Variants in PTCD1 observed in about 807,000 individuals in gnomAD.
PTCD1 encodes pentatricopeptide repeat-containing protein 1, mitochondrial.
A neutral mutation model predicts 53.4 loss-of-function variants in PTCD1; 50 were observed. The observed-to-expected ratio is 0.94, with a 90% confidence interval of 0.75 to 1.19. The LOEUF (loss-of-function observed/expected upper bound fraction) is 1.19, where lower values mean the gene tolerates loss of function less well. Ranked by LOEUF, PTCD1 falls within the 50% of genes most tolerant of loss-of-function variation. The pLI is 0.00. For missense variants in PTCD1, 918 were observed against 904.8 expected, an observed-to-expected ratio of 1.01 and a Z score of -0.19; for synonymous variants, 413 against 394.8, an observed-to-expected ratio of 1.05 and a Z score of -0.55.
Position 99,424,257 on chromosome 7 carries a change from C to T in PTCD1, c.1738-300G>A, listed in dbSNP as rs1329178305. On this transcript the variant is annotated intron_variant, in intron 6 of 7. Coordinates refer to ENST00000292478, the MANE Select transcript of PTCD1 (RefSeq NM_015545.4). ...GCTCCCTGGGGTGGGCTTCCTGTGA[C>T]GCACGGTCACCAGGTGGTGGTTGGC... Among the ~76,000 whole-genome samples the T allele has an allele frequency of 2.6e-5, 4 of 152,190 alleles. No homozygotes were observed. In the East Asian group the frequency reaches 7.7e-4, roughly 29 times the overall value.
chr7:99,432,775 G>A (rs1302287798), intron 3 of PTCD1: 1 of 203,284 alleles, frequency 4.9e-6, no homozygotes, highest in African/African-American at 2.3e-5. Context: ...CTTCAGAGGA[G>A]CAGATGCGGT....
intron 7 of PTCD1, among the ~76,000 whole-genome samples, chr7:99,421,692 T>G (rs577543345): frequency 6.7e-6 from 1 of 149,246 alleles, no homozygotes; most frequent in Admixed American, 6.6e-5. Context: ...GCGGCAGAGG[T>G]TGCAGTGAGG....
In PTCD1 at chr7:99,419,698, C is replaced by G. The variant is rs748286909; in HGVS notation, c.*269G>C. 272 of 695,094 alleles carry G rather than the reference C, an allele frequency of 3.9e-4. No homozygotes were observed. The highest frequency in any genetic ancestry group is 5.7e-4 in the South Asian group (30 of 52,542). 43.1% of individuals were successfully genotyped at this position (695,094 alleles called of 1,614,324 possible). ...GCCCCAGGGACCAGATGCCCCAGCC[C>G]CCTTGTGGTGTGTGAGGTGACACAC... On this transcript the variant is annotated 3_prime_UTR_variant, in exon 8 of 8. Coordinates refer to ENST00000292478, the MANE Select transcript of PTCD1 (RefSeq NM_015545.4).
rs1313863129 is a variant in PTCD1 at position 99,419,841 on chromosome 7, G to A, written c.*126C>T. On this transcript the variant is annotated 3_prime_UTR_variant, in exon 8 of 8. Transcript: ENST00000292478. ...CTAGTGTGTGTCCTCACCAACACCT[G>A]TGACACGCTGCGGCTGTTCCTCAGG... 5 of 1,520,724 alleles carry A rather than the reference G, an allele frequency of 3.3e-6. No individual in the cohort carries two copies. Among genetic ancestry groups the A allele is most frequent in the African/African-American group, 1.4e-5 (1 of 73,194 alleles). The allele number at this position is 1,520,724 out of a possible 1,614,324, so 94.2% of individuals were successfully genotyped here.
chr7:99,428,599 G>A (rs900905053), intron 5 of PTCD1, among the ~76,000 whole-genome samples: 8 of 152,036 alleles, frequency 5.3e-5, no homozygotes, highest in Admixed American at 2.0e-4. Context: ...AAATTAGCTG[G>A]GCGTGGTGGC....
chr7:99,424,020 C>T, intron 6 of PTCD1, 63 bp from the exon 7 acceptor site: 1 of 1,582,954 alleles, frequency 6.3e-7, no homozygotes, highest in East Asian at 2.3e-5. Flanking sequence ...GCAGCTCCCA[C>T]CCTCTGTCAA....
chr7:99,430,293 T>C (rs1796206897), intron 3 of PTCD1, among the ~76,000 whole-genome samples: 2 of 152,196 alleles, frequency 1.3e-5, no homozygotes, highest in African/African-American at 2.4e-5. Flanking sequence ...ACAATGCACA[T>C]TCTCAGGGCC....
chr7:99,420,823 T>G (rs1795775586), intron 7 of PTCD1, among the ~76,000 whole-genome samples: 2 of 152,124 alleles, frequency 1.3e-5, no homozygotes, highest in African/African-American at 4.8e-5. Context: ...GGTGCATGCC[T>G]GTAGCCCCAG....
rs144567987 is a variant in PTCD1 at position 99,433,478 on chromosome 7, A to C, written c.454-60T>G. 36 of 1,612,822 alleles carry C rather than the reference A, an allele frequency of 2.2e-5. No individual in the cohort carries two copies. The African/African-American group carries it at 4.1e-4, about 19-fold the overall frequency. On this transcript the variant is annotated intron_variant, in intron 2 of 7. Transcript: ENST00000292478. Reference sequence around the variant, plus strand: ...ATGGCCCCAGAGACCCTCAGCAGAGAGAGGGAGGTTGAAGCTGAGGGACCC... The same window carrying C: ...ATGGCCCCAGAGACCCTCAGCAGAGCGAGGGAGGTTGAAGCTGAGGGACCC...
chr7:99,435,494 C>G (rs2150961860), intron 1 of PTCD1, among the ~76,000 whole-genome samples: 1 of 152,114 alleles, frequency 6.6e-6, no homozygotes, highest in East Asian at 1.9e-4. Context: ...CAAAAATTAG[C>G]CAGGCTTGGT....
rs775298177 is a variant in PTCD1, at chr7:99,423,889, G to C, written c.1806C>G (p.Asn602Lys). ...TCAAGATGCTGATGAGATAGGTGTAGTTCAGCTTCCTGATGGCCGCGTTGA... is the reference window on the plus strand; with the variant it reads ...TCAAGATGCTGATGAGATAGGTGTACTTCAGCTTCCTGATGGCCGCGTTGA... ...ALINAAIRKLNYTYLISILKD... is the reference protein window; with the variant it reads ...ALINAAIRKLKYTYLISILKD... The change falls in exon 7 of 8, where the codon AAC becomes AAG. Residue 602 changes from asparagine to lysine, a missense_variant. Coordinates refer to ENST00000292478, the MANE Select transcript of PTCD1 (RefSeq NM_015545.4). The C allele has an allele frequency of 1.9e-6, 3 of 1,614,168 alleles. No homozygotes were observed. Among genetic ancestry groups the C allele is most frequent in the South Asian group, 1.1e-5 (1 of 91,076 alleles).
rs779939675 is a variant in PTCD1, at chr7:99,420,107, G to A, written c.1963C>T (p.Arg655Ter). The A allele has an allele frequency of 5.6e-6, 9 of 1,614,162 alleles. No individual in the cohort carries two copies. Among genetic ancestry groups the A allele is most frequent in the African/African-American group, 2.7e-5 (2 of 75,034 alleles). ...GTCAGCCACTGCTTGTAATAGGCTC[G>A]GAAGCCGTCAATCTTCTCCAGGTAG... ...NTYLEKIDGF[R>*]AYYKQWLTVM... Residue 655 changes from arginine (R) to a stop codon, truncating the protein, a stop_gained, in exon 8 of 8, where the codon CGA becomes TGA. Coordinates refer to ENST00000292478, the MANE Select transcript of PTCD1 (RefSeq NM_015545.4). LOFTEE classifies it low-confidence loss of function (END_TRUNC).
intron 3 of PTCD1, among the ~76,000 whole-genome samples, chr7:99,431,757 T>C (rs996119951): frequency 6.6e-6 from 1 of 151,984 alleles, no homozygotes; most frequent in Non-Finnish European, 1.5e-5. Context: ...AAAAGGACTG[T>C]AGGAAAAAGA....
intron 6 of PTCD1, among the ~76,000 whole-genome samples, chr7:99,424,354 G>A (rs919064066): frequency 6.6e-6 from 1 of 152,202 alleles, no homozygotes; most frequent in Non-Finnish European, 1.5e-5. Flanking sequence ...TGATGGACCT[G>A]GGGACACCGA....
At position 99,432,944 on chromosome 7, in the gene PTCD1, G is replaced by A. The variant is rs376888949; in HGVS notation, c.594+334C>T. The A allele has an allele frequency of 1.1e-4, 48 of 422,876 alleles. No homozygotes were observed. The East Asian group carries it at 1.6e-3, about 14-fold the overall frequency. 26.2% of individuals were successfully genotyped at this position (422,876 alleles called of 1,614,324 possible). On this transcript the variant is annotated intron_variant, in intron 3 of 7. Coordinates refer to ENST00000292478, the MANE Select transcript of PTCD1 (RefSeq NM_015545.4). ...CACACCTGTGCTCACAGCTACTGGC[G>A]AGGCTGAGGCAGGAGGAACTCTTGA... is the stretch of plus-strand genomic sequence containing the variant.
intron 7 of PTCD1, among the ~76,000 whole-genome samples, chr7:99,422,506 A>G (rs1020552325): frequency 3.2e-4 from 48 of 152,364 alleles, no homozygotes; most frequent in African/African-American, 1.1e-3. Context: ...CTGCTGATAC[A>G]GGAGGTTGAA....
chr7:99,422,123 G>A (rs1185664709), intron 7 of PTCD1, among the ~76,000 whole-genome samples: 1 of 152,186 alleles, frequency 6.6e-6, no homozygotes, highest in East Asian at 1.9e-4. Flanking sequence ...TGGAATCAAT[G>A]AGAAAAGGCT....
rs777061471 is a variant in PTCD1 at position 99,425,627 on chromosome 7, A to G, written c.916-11T>C. 2 of 1,603,434 alleles carry G rather than the reference A, an allele frequency of 1.2e-6. No individual in the cohort carries two copies. The highest frequency in any genetic ancestry group is 2.7e-5 in the African/African-American group (2 of 74,536). On this transcript the variant is annotated splice_polypyrimidine_tract_variant and intron_variant, in intron 5 of 7. Coordinates refer to ENST00000292478, the MANE Select transcript of PTCD1 (RefSeq NM_015545.4). Reference sequence around the variant, plus strand: ...CATCAGCCGCCACACCTGCCACGGAAGAGACAAACGTCAGCTGGGTGCTCC... The same window carrying G: ...CATCAGCCGCCACACCTGCCACGGAGGAGACAAACGTCAGCTGGGTGCTCC...
chr7:99,437,324 C>CTT (rs879615507), intron 1 of PTCD1, among the ~76,000 whole-genome samples: 1 of 143,280 alleles, frequency 7.0e-6, no homozygotes. Context: ...CTTTTCTTTT[C>CTT]TTTTTTTTTT....
Sources: allele counts gnomAD v4.1 joint callset (sites outside exome capture counted in the v4.1 genomes callset), GRCh38; gene constraint gnomAD v4.1.1; transcripts MANE v1.5; gene names NCBI Gene and HGNC (gene_info 2026-07-23, HGNC 2026-07-21).